The following PHACTR4 variants were observed in gnomAD, a reference collection of about 807,000 sequenced individuals.
PHACTR4 encodes phosphatase and actin regulator 4.
In PHACTR4, 51 loss-of-function variants were observed where a neutral mutation model predicts 72.7. That is an observed-to-expected ratio of 0.70 (90% CI 0.56 to 0.89). The LOEUF is 0.89. PHACTR4 is among the 40% of genes least tolerant of loss of function. PHACTR4 has a pLI of 0.00. For missense variants in PHACTR4, 731 were observed against 861.8 expected, an observed-to-expected ratio of 0.85 and a Z score of 1.90; for synonymous variants, 255 against 302.5, an observed-to-expected ratio of 0.84 and a Z score of 1.63.
At chr1:28,374,754 A>G (rs1651510115) in intron 1 of PHACTR4, among the ~76,000 whole-genome samples, 1 of 152,174 alleles carries the variant, frequency 6.6e-6, no homozygotes, top group Non-Finnish European at 1.5e-5. Context: ...CTTGGGGTTT[A>G]CCTACTGATT....
At chr1:28,393,799 A>G (rs1454439591) in intron 1 of PHACTR4, among the ~76,000 whole-genome samples, 1 of 152,068 alleles carries the variant, frequency 6.6e-6, no homozygotes, top group Non-Finnish European at 1.5e-5. Context: ...TTGACCTCTC[A>G]GGCTCAGGTG....
chr1:28,480,617 T>C lies in PHACTR4; in HGVS notation c.1760+13T>C. 6.2e-7 allele frequency: 1 copy of C among 1,613,280 alleles called. No homozygotes were observed. Among genetic ancestry groups the C allele is most frequent in the Non-Finnish European group, 8.5e-7 (1 of 1,179,386 alleles). Reference sequence around the variant, plus strand: ...ACACACTGATCCGGTAGGCCTTTGCTTAGATTTGCTTGATTGATTTGGTTA... The same window carrying C: ...ACACACTGATCCGGTAGGCCTTTGCCTAGATTTGCTTGATTGATTTGGTTA... On this transcript the variant is annotated intron_variant, in intron 9 of 13. Coordinates refer to ENST00000373839, the MANE Select transcript of PHACTR4 (RefSeq NM_001048183.3).
chr1:28,385,992 G>T (rs1365727369), intron 1 of PHACTR4, among the ~76,000 whole-genome samples: 1 of 152,126 alleles, frequency 6.6e-6, no homozygotes, highest in African/African-American at 2.4e-5. Context: ...TATGATTTCA[G>T]TTCTTTTGCA....
At chr1:28,378,338 C>CCA (rs1651862188) in intron 1 of PHACTR4, among the ~76,000 whole-genome samples, 1 of 113,884 alleles carries the variant, frequency 8.8e-6, no homozygotes, top group African/African-American at 4.3e-5. Context: ...CCCGTCTCTA[C>CCA]TAAAAAAAAA....
At chr1:28,476,079 G>A in intron 7 of PHACTR4, 28 bp from the exon 8 acceptor site, 2 of 1,570,140 alleles carry the variant, frequency 1.3e-6, no homozygotes, top group South Asian at 2.4e-5. Flanking sequence ...ATTTCTAAAA[G>A]GAAAATATAA....
intron 2 of PHACTR4, among the ~76,000 whole-genome samples, chr1:28,434,021 G>A (rs992407419): frequency 4.0e-5 from 6 of 151,778 alleles, no homozygotes; most frequent in Admixed American, 1.3e-4. Context: ...CTCATGATCC[G>A]CCCACCTTGG....
intron 2 of PHACTR4, among the ~76,000 whole-genome samples, chr1:28,413,738 T>G (rs1392771900): frequency 2.0e-5 from 3 of 152,164 alleles, no homozygotes; most frequent in Non-Finnish European, 4.4e-5. Context: ...CCTAACATTG[T>G]TTTTAAATAT....
Position 28,438,315 on chromosome 1 carries a change from T to C in PHACTR4, c.17-20770T>C, listed in dbSNP as rs1656764514. ...CGCATGTCCCCTCTTTATGTGGATT[T>C]ATCTTTTATGAAAAGTTTGCTTTTG... On this transcript the variant is annotated intron_variant, in intron 2 of 13. Transcript: ENST00000373839. 1.9e-6 allele frequency: 3 copies of C among 1,582,546 alleles called. No homozygotes were observed. The African/African-American group carries it at 4.1e-5, about 22-fold the overall frequency.
chr1:28,391,557 G>A (rs1297577047), intron 1 of PHACTR4, among the ~76,000 whole-genome samples: 8 of 148,380 alleles, frequency 5.4e-5, no homozygotes, highest in Non-Finnish European at 1.2e-4. Context: ...ATAAGCACAA[G>A]AAATCTGTTG....
At chr1:28,443,306 C>T (rs958187445) in intron 2 of PHACTR4, among the ~76,000 whole-genome samples, 2 of 151,856 alleles carry the variant, frequency 1.3e-5, no homozygotes, top group Admixed American at 6.6e-5. Flanking sequence ...TTCGTTCTTT[C>T]GTCTCAACTC....
chr1:28,410,986 G>T (rs865930198), intron 2 of PHACTR4, among the ~76,000 whole-genome samples: 3 of 151,282 alleles, frequency 2.0e-5, no homozygotes, highest in South Asian at 2.1e-4. Context: ...GGAATTGCAG[G>T]CGTGAGCCAC....
At chr1:28,476,419 T>G in intron 8 of PHACTR4, 128 bp downstream of exon 8, 1 of 933,408 alleles carries the variant, frequency 1.1e-6, no homozygotes, top group Non-Finnish European at 1.5e-6. Context: ...GGCTAACTGA[T>G]GTTGGAAGCC....
At position 28,480,563 on chromosome 1, in the gene PHACTR4, GT is replaced by G; in HGVS notation, c.1720del (p.Trp574GlyfsTer12). ...CTTGGCCTTGTAAAAGCAAGGAGGA[GT>G]GGAATGAAATACGGCACCAGATTGG... Reference protein sequence around the residue: ...NSWPCKSKEEWNEIRHQIGNT... With the variant: ...NSWPCKSKEEXNEIRHQIGNT... On this transcript the variant is annotated frameshift_variant, in exon 9 of 14. Transcript: ENST00000373839. LOFTEE classifies it high-confidence loss of function. 6.2e-7 allele frequency: 1 copy of G among 1,614,220 alleles called. No homozygotes were observed.
chr1:28,474,159 C>A lies in PHACTR4; in HGVS notation c.1421+8C>A. On this transcript the variant is annotated splice_region_variant and intron_variant, in intron 7 of 13. Coordinates refer to ENST00000373839, the MANE Select transcript of PHACTR4 (RefSeq NM_001048183.3). ...TATTGAAATGCTAAAAGTGTAAGTG[C>A]CTTTAAAGCTTGCCTCTTATTTCTC... 1.3e-6 allele frequency: 2 copies of A among 1,588,758 alleles called. No individual in the cohort carries two copies. Among genetic ancestry groups the A allele is most frequent in the East Asian group, 2.2e-5 (1 of 44,668 alleles).
intron 1 of PHACTR4, among the ~76,000 whole-genome samples, chr1:28,380,201 C>T (rs1302854031): frequency 2.7e-5 from 4 of 149,880 alleles, no homozygotes; most frequent in South Asian, 2.1e-4. Context: ...GGACTACAGG[C>T]GTCCGCTACC....
At chr1:28,455,351 C>T (rs1658315453) in intron 2 of PHACTR4, among the ~76,000 whole-genome samples, 1 of 151,674 alleles carries the variant, frequency 6.6e-6, no homozygotes. Flanking sequence ...CGTGTACCAC[C>T]ACACCCAGCT....
At chr1:28,465,452 C>T (rs1235975649) in intron 4 of PHACTR4, among the ~76,000 whole-genome samples, 1 of 152,068 alleles carries the variant, frequency 6.6e-6, no homozygotes, top group African/African-American at 2.4e-5. Flanking sequence ...GAGACCCTGT[C>T]TCAAATCACC....
intron 2 of PHACTR4, among the ~76,000 whole-genome samples, chr1:28,410,363 A>G (rs1654698441): frequency 6.6e-6 from 1 of 152,190 alleles, no homozygotes; most frequent in Non-Finnish European, 1.5e-5. Context: ...AATTCTAAAG[A>G]ACATGACCAT....
Position 28,473,629 on chromosome 1 carries a change from T to C in PHACTR4, c.899T>C (p.Ile300Thr). Residue 300 changes from isoleucine to threonine, a missense_variant, in exon 7 of 14, where the codon ATT becomes ACT. By Grantham distance (89) the Ile-to-Thr change is moderately conservative. Around this residue, in one of 2 missense-constraint regions of PHACTR4, gnomAD observed 621 missense variants for 676.6 expected, o/e 0.92. Coordinates refer to ENST00000373839, the MANE Select transcript of PHACTR4 (RefSeq NM_001048183.3). ...PSPPLPPKRG[I>T]PSTSVPTLES... ...CCACCCTTACCACCTAAGAGAGGCA[T>C]TCCATCAACCTCAGTACCCACCTTG... The C allele has an allele frequency of 6.2e-7, 1 of 1,614,046 alleles. No homozygotes were observed. The highest frequency in any genetic ancestry group is 1.1e-5 in the South Asian group (1 of 91,080).
Sources: allele counts gnomAD v4.1 joint callset (sites outside exome capture counted in the v4.1 genomes callset), GRCh38; gene constraint gnomAD v4.1.1; regional missense constraint gnomAD v4.1.1; transcripts MANE v1.5; gene names NCBI Gene and HGNC (gene_info 2026-07-23, HGNC 2026-07-21).